MGAT5: variants seen among roughly 807,000 people sequenced by gnomAD.
MGAT5 encodes alpha-1,6-mannosylglycoprotein 6-beta-N-acetylglucosaminyltransferase A.
Under a neutral mutation model 94.3 loss-of-function variants are expected in MGAT5, and 30 were observed. The ratio of observed to expected loss-of-function variants is 0.32; its 90% CI spans 0.24 to 0.43. The LOEUF (loss-of-function observed/expected upper bound fraction) is 0.43. MGAT5 is among the 20% of genes least tolerant of loss of function. MGAT5 has a pLI of 1.00. For synonymous variants in MGAT5, 310 were observed against 322.9 expected, an observed-to-expected ratio of 0.96 and a Z score of 0.43; for missense variants, 691 against 905.5, an observed-to-expected ratio of 0.76 and a Z score of 3.04.
chr2:134,317,408 C>G, intron 2 of MGAT5, 121 bp from the exon 3 acceptor site: 1 of 574,306 alleles, frequency 1.7e-6, no homozygotes. Flanking sequence ...TGTATCAGAG[C>G]ATGGCTGCCA....
At chr2:134,362,613 G>A (rs917838678) in intron 10 of MGAT5, among the ~76,000 whole-genome samples, 1 of 152,182 alleles carries the variant, frequency 6.6e-6, no homozygotes, top group Admixed American at 6.5e-5. Flanking sequence ...GATAGTGGCT[G>A]TACAACAGCC....
At chr2:134,183,774 C>T (rs1227278105) in intron 1 of MGAT5, among the ~76,000 whole-genome samples, 1 of 152,248 alleles carries the variant, frequency 6.6e-6, no homozygotes, top group East Asian at 1.9e-4. Context: ...CTTCTTGGAT[C>T]TGTCACGGGC....
intron 15 of MGAT5, among the ~76,000 whole-genome samples, chr2:134,443,993 G>A (rs556628113): frequency 6.6e-6 from 1 of 152,326 alleles, no homozygotes; most frequent in South Asian, 2.1e-4. Flanking sequence ...CTGGCTCAGA[G>A]CTAGCATGGG....
intron 1 of MGAT5, among the ~76,000 whole-genome samples, chr2:134,214,447 T>C (rs902072603): frequency 6.6e-6 from 1 of 152,186 alleles, no homozygotes; most frequent in Non-Finnish European, 1.5e-5. Flanking sequence ...CTAACGATAG[T>C]TGATGAGCTA....
chr2:134,333,100 A>T (rs2105964092), intron 4 of MGAT5, among the ~76,000 whole-genome samples: 1 of 152,306 alleles, frequency 6.6e-6, no homozygotes, highest in East Asian at 1.9e-4. Flanking sequence ...TAACCAAAGG[A>T]CTATAAATCA....
intron 1 of MGAT5, among the ~76,000 whole-genome samples, chr2:134,201,804 G>A (rs1180324443): frequency 6.7e-6 from 1 of 148,792 alleles, no homozygotes; most frequent in African/African-American, 2.5e-5. Flanking sequence ...CAGCTCTCTG[G>A]GCCAAGCGCT....
intron 12 of MGAT5, among the ~76,000 whole-genome samples, chr2:134,414,160 G>GTT (rs71338129): frequency 1.2e-4 from 13 of 110,624 alleles, no homozygotes; most frequent in East Asian, 6.7e-4. Flanking sequence ...TGTGTGTGTG[G>GTT]TTTTTTTTTT....
At chr2:134,324,061 T>TA (rs2105923902) in intron 4 of MGAT5, among the ~76,000 whole-genome samples, 1 of 152,308 alleles carries the variant, frequency 6.6e-6, no homozygotes, top group Non-Finnish European at 1.5e-5. Flanking sequence ...TCTCTGTTGA[T>TA]ATTATGTTGA....
intron 2 of MGAT5, among the ~76,000 whole-genome samples, chr2:134,306,829 C>A (rs7595980): frequency 6.6e-6 from 1 of 152,114 alleles, no homozygotes; most frequent in East Asian, 1.9e-4. Flanking sequence ...TCTTACAAGA[C>A]AAAGCCCCTG....
At chr2:134,229,317 C>T (rs987747122) in intron 1 of MGAT5, among the ~76,000 whole-genome samples, 2 of 152,184 alleles carry the variant, frequency 1.3e-5, no homozygotes, top group African/African-American at 4.8e-5. Context: ...TAGAATGGCA[C>T]ATGAATTTTG....
intron 2 of MGAT5, among the ~76,000 whole-genome samples, chr2:134,314,436 C>T (rs1225036323): frequency 6.6e-6 from 1 of 152,138 alleles, no homozygotes; most frequent in East Asian, 1.9e-4. Flanking sequence ...GCCCGTTGGG[C>T]AGAGGGGAAC....
intron 1 of MGAT5, among the ~76,000 whole-genome samples, chr2:134,131,226 C>T (rs1440099541): frequency 6.6e-6 from 1 of 152,222 alleles, no homozygotes; most frequent in Non-Finnish European, 1.5e-5. Context: ...ACTCCGGTCA[C>T]GCTGCCTTTA....
chr2:134,373,545 C>A (rs4954137), intron 10 of MGAT5, among the ~76,000 whole-genome samples: 1 of 152,332 alleles, frequency 6.6e-6, no homozygotes, highest in African/African-American at 2.4e-5. Flanking sequence ...TATTAAAATA[C>A]AGCTTGTAGG....
At chr2:134,302,254 G>A (rs1686064050) in intron 2 of MGAT5, among the ~76,000 whole-genome samples, 1 of 152,122 alleles carries the variant, frequency 6.6e-6, no homozygotes, top group Non-Finnish European at 1.5e-5. Context: ...TTGTTACAGA[G>A]ATTGTAATAT....
At chr2:134,392,604 A>C (rs1380981194) in intron 10 of MGAT5, among the ~76,000 whole-genome samples, 1 of 152,168 alleles carries the variant, frequency 6.6e-6, no homozygotes, top group African/African-American at 2.4e-5. Context: ...CTGGTTTGTC[A>C]CGTGTCAAGT....
At chr2:134,244,797 G>T (rs1559007789) in intron 1 of MGAT5, among the ~76,000 whole-genome samples, 1 of 152,090 alleles carries the variant, frequency 6.6e-6, no homozygotes, top group Non-Finnish European at 1.5e-5. Flanking sequence ...TTTTTCGATT[G>T]TCACAACCCT....
At chr2:134,145,212 C>CTGTG (rs1350453588) in intron 1 of MGAT5, among the ~76,000 whole-genome samples, 1,293 of 113,742 alleles carry the variant, frequency 0.011, 22 homozygotes, top group African/African-American at 0.044. Context: ...GTGTCTCTCT[C>CTGTG]TCTGTGTGTG....
intron 1 of MGAT5, among the ~76,000 whole-genome samples, chr2:134,197,264 C>T (rs922903454): frequency 6.6e-6 from 1 of 152,090 alleles, no homozygotes; most frequent in African/African-American, 2.4e-5. Flanking sequence ...TGAACTTGAC[C>T]GTGATGTTGT....
Position 134,247,495 on chromosome 2 carries a change from G to T in MGAT5, c.-142-6767G>T, listed in dbSNP as rs377177719. ...CAGGGCAGTTTTGCTGAGTCTCTGC[G>T]ATATAAATTGATACGTATATTGATT... On this transcript the variant is annotated intron_variant, in intron 1 of 16. Transcript: ENST00000409645. Among the ~76,000 whole-genome samples, 3 of 152,104 alleles carry T rather than the reference G, an allele frequency of 2.0e-5. No homozygotes were observed. In the East Asian group the frequency reaches 5.8e-4, roughly 29 times the overall value.
Sources: allele counts gnomAD v4.1 joint callset (sites outside exome capture counted in the v4.1 genomes callset), GRCh38; gene constraint gnomAD v4.1.1; transcripts MANE v1.5; gene names NCBI Gene and HGNC (gene_info 2026-07-23, HGNC 2026-07-21).